The following CACNB2 variants were observed in gnomAD, a reference collection of about 807,000 sequenced individuals.
CACNB2 encodes voltage-dependent L-type calcium channel subunit beta-2.
In CACNB2, 42 loss-of-function variants were observed where a neutral mutation model predicts 73.3. The ratio of observed to expected loss-of-function variants is 0.57; its 90% CI spans 0.45 to 0.74. The LOEUF (loss-of-function observed/expected upper bound fraction) is 0.74. Ranked by LOEUF, CACNB2 falls within the 30% of genes least tolerant of loss-of-function variation. The pLI is 0.00. For missense variants in CACNB2, 940 were observed against 853.0 expected (o/e 1.10, Z -1.27); for synonymous variants, 348 against 310.3 (o/e 1.12, Z -1.28).
chr10:18,178,261 T>C (rs1039545666), intron 2 of CACNB2, among the ~76,000 whole-genome samples: 1 of 152,186 alleles, frequency 6.6e-6, no homozygotes, highest in Non-Finnish European at 1.5e-5. Context: ...TTCTGTGTTT[T>C]AGTGATGTTT....
At chr10:18,213,921 C>T (rs975088345) in intron 2 of CACNB2, among the ~76,000 whole-genome samples, 2 of 152,066 alleles carry the variant, frequency 1.3e-5, no homozygotes, top group Non-Finnish European at 2.9e-5. Flanking sequence ...GATCAGTATA[C>T]GGTAGCTACT....
chr10:18,534,879 C>T (rs2053414069), intron 11 of CACNB2, among the ~76,000 whole-genome samples: 3 of 152,276 alleles, frequency 2.0e-5, no homozygotes, highest in African/African-American at 7.2e-5. Context: ...TATGCTTATT[C>T]CGACTTGGTG....
chr10:18,374,514 G>A (rs376838396), intron 2 of CACNB2, among the ~76,000 whole-genome samples: 13 of 152,300 alleles, frequency 8.5e-5, no homozygotes, highest in African/African-American at 2.9e-4. Context: ...GATAGCTTGA[G>A]CCCAGAAGTT....
chr10:18,362,258 T>C (rs2042173103), intron 2 of CACNB2, among the ~76,000 whole-genome samples: 1 of 152,244 alleles, frequency 6.6e-6, no homozygotes, highest in Non-Finnish European at 1.5e-5. Context: ...ACATGCTTAT[T>C]AAAACATTTT....
chr10:18,448,018 G>A (rs1385305763), intron 3 of CACNB2, among the ~76,000 whole-genome samples: 1 of 152,082 alleles, frequency 6.6e-6, no homozygotes, highest in South Asian at 2.1e-4. Flanking sequence ...TAGAGATAGG[G>A]TCTTGCTCTG....
intron 2 of CACNB2, among the ~76,000 whole-genome samples, chr10:18,307,951 G>A (rs2039797897): frequency 7.2e-6 from 1 of 139,762 alleles, no homozygotes; most frequent in Non-Finnish European, 1.5e-5. Context: ...TTAAAAGGTA[G>A]GATAACTTAA....
intron 1 of CACNB2, among the ~76,000 whole-genome samples, chr10:18,142,787 C>T (rs2030555123): frequency 6.6e-6 from 1 of 152,184 alleles, no homozygotes. Context: ...TGAAAAGACA[C>T]AATTTCTGCC....
chr10:18,294,151 T>A (rs1381638685), intron 2 of CACNB2, among the ~76,000 whole-genome samples: 1 of 152,212 alleles, frequency 6.6e-6, no homozygotes, highest in Admixed American at 6.5e-5. Context: ...CTCGGGCACG[T>A]TTCCGAGACC....
intron 2 of CACNB2, among the ~76,000 whole-genome samples, chr10:18,313,826 A>G (rs556840263): frequency 2.0e-5 from 3 of 152,370 alleles, no homozygotes; most frequent in Admixed American, 6.5e-5. Flanking sequence ...ACACTAGCGA[A>G]AAACATTGTA....
At chr10:18,358,497 GCTCTCT>G (rs59205683) in intron 2 of CACNB2, among the ~76,000 whole-genome samples, 1,804 of 103,972 alleles carry the variant, frequency 0.017, 5 homozygotes, top group East Asian at 0.052. Context: ...TAATGAGCAC[GCTCTCT>G]CTCTCTCTCT....
At chr10:18,518,289 G>A in intron 7 of CACNB2, 47 bp from the exon 8 acceptor site, 4 of 1,263,796 alleles carry the variant, frequency 3.2e-6, no homozygotes, top group South Asian at 2.4e-5. Flanking sequence ...AAATATTTAT[G>A]TTCTACCTGC....
chr10:18,444,136 A>C (rs1350175197), intron 3 of CACNB2, among the ~76,000 whole-genome samples: 1 of 152,138 alleles, frequency 6.6e-6, no homozygotes, highest in African/African-American at 2.4e-5. Flanking sequence ...TTGAAATCCT[A>C]ACGCCAAAGG....
At chr10:18,202,740 C>G (rs115117347) in intron 2 of CACNB2, among the ~76,000 whole-genome samples, 2,244 of 152,270 alleles carry the variant, frequency 0.015, 56 homozygotes, top group African/African-American at 0.051. Context: ...TTTATCTCTT[C>G]TGTGTTGTGG....
intron 2 of CACNB2, chr10:18,206,405 G>A: frequency 6.5e-6 from 1 of 152,676 alleles, no homozygotes; most frequent in Non-Finnish European, 1.5e-5. Context: ...TCGGGCTATT[G>A]CCTGGGCATC....
intron 2 of CACNB2, among the ~76,000 whole-genome samples, chr10:18,347,504 T>C (rs2041514379): frequency 6.6e-6 from 1 of 152,034 alleles, no homozygotes; most frequent in African/African-American, 2.4e-5. Context: ...ATTTTATTCT[T>C]AATTCTAGCA....
chr10:18,539,152 C>G (rs1209987628), intron 13 of CACNB2, 78 bp from the exon 14 acceptor site: 1 of 1,582,126 alleles, frequency 6.3e-7, no homozygotes, highest in African/African-American at 1.3e-5. Flanking sequence ...AAGGACTCTG[C>G]TTGAATGCAC....
At chr10:18,361,686 T>C (rs888492075) in intron 2 of CACNB2, among the ~76,000 whole-genome samples, 2 of 149,778 alleles carry the variant, frequency 1.3e-5, no homozygotes, top group Non-Finnish European at 3.0e-5. Flanking sequence ...TGATCTCAGC[T>C]CACTGAAACT....
chr10:18,471,928 TTTG>T (rs1195255200), intron 3 of CACNB2, among the ~76,000 whole-genome samples: 1 of 152,218 alleles, frequency 6.6e-6, no homozygotes, highest in African/African-American at 2.4e-5. Context: ...TCACTAGGCA[TTTG>T]TTTTCTGTTT....
At chr10:18,258,075 C>T (rs551141788) in intron 2 of CACNB2, among the ~76,000 whole-genome samples, 7 of 152,230 alleles carry the variant, frequency 4.6e-5, no homozygotes, top group African/African-American at 1.4e-4. Flanking sequence ...TAGAGGAATA[C>T]ATGGATTGTA....
Sources: allele counts gnomAD v4.1 joint callset (sites outside exome capture counted in the v4.1 genomes callset), GRCh38; gene constraint gnomAD v4.1.1; transcripts MANE v1.5; gene names NCBI Gene and HGNC (gene_info 2026-07-23, HGNC 2026-07-21).